SARNP: variants seen among roughly 807,000 people sequenced by gnomAD.
SARNP encodes the protein SAP domain containing ribonucleoprotein.
SARNP carries 5 observed loss-of-function variants against 38.1 expected under a neutral mutation model. The ratio of observed to expected loss-of-function variants is 0.13; its 90% confidence interval spans 0.07 to 0.28. SARNP has a LOEUF of 0.28. SARNP is among the 10% of genes least tolerant of loss of function. The probability of loss-of-function intolerance (pLI) is 1.00; values close to 1 mark genes in which losing one functional copy is unlikely to be tolerated. For missense variants in SARNP, 180 were observed against 243.9 expected, an observed-to-expected ratio of 0.74 and a Z score of 1.75; for synonymous variants, 84 against 80.6, an observed-to-expected ratio of 1.04 and a Z score of -0.23.
At chr12:55,815,019 G>A (rs1261495970) in intron 1 of SARNP, among the ~76,000 whole-genome samples, 5 of 152,030 alleles carry the variant, frequency 3.3e-5, no homozygotes, top group Admixed American at 3.3e-4. Flanking sequence ...CCATACCAAA[G>A]CCCAAAATTC....
intron 9 of SARNP, among the ~76,000 whole-genome samples, chr12:55,788,490 C>T (rs937031019): frequency 2.6e-5 from 4 of 152,054 alleles, no homozygotes; most frequent in Admixed American, 6.6e-5. Flanking sequence ...AACATCTTAA[C>T]CAACAGAAAT....
At chr12:55,786,829 AT>A (rs968440988) in intron 9 of SARNP, among the ~76,000 whole-genome samples, 1 of 152,088 alleles carries the variant, frequency 6.6e-6, no homozygotes, top group African/African-American at 2.4e-5. Flanking sequence ...TCAACTTCAA[AT>A]TTTTTCTTAC....
At chr12:55,794,740 G>C in intron 6 of SARNP, 67 bp downstream of exon 6, 1 of 945,146 alleles carries the variant, frequency 1.1e-6, no homozygotes, top group East Asian at 2.4e-5. Flanking sequence ...ATACCTAAAA[G>C]CTAGGATCAC....
chr12:55,789,122 C>T lies in SARNP; in HGVS notation c.454G>A (p.Glu152Lys). ...TTCAAACCAAATCTTTGAGCTCTTT[C>T]CTTCAGCTTATCCAAGTTAACCTAT... ...KPMVNLDKLKERAQRFGLNVS... is the reference protein window; with the variant it reads ...KPMVNLDKLKKRAQRFGLNVS... The change falls in exon 9 of 11, where the codon GAA (glutamate) becomes AAA (lysine). Residue 152 changes from glutamate (E) to lysine (K), a missense_variant. Glu to Lys is a moderately conservative substitution (Grantham distance 56). Around this residue, in one of 2 missense-constraint regions of SARNP, gnomAD observed 161 missense variants for 194.1 expected, o/e 0.83. Transcript: ENST00000336133. 6.2e-7 allele frequency: 1 copy of T among 1,601,828 alleles called. No homozygotes were observed. Among genetic ancestry groups the T allele is most frequent in the Non-Finnish European group, 8.5e-7 (1 of 1,175,990 alleles).
At position 55,757,542 on chromosome 12, in the gene SARNP, C is replaced by G. The variant is rs765112837; in HGVS notation, c.603G>C (p.Arg201Ser). 9.9e-6 allele frequency: 16 copies of G among 1,609,852 alleles called. No individual in the cohort carries two copies. Among genetic ancestry groups the G allele is most frequent in the Non-Finnish European group, 1.4e-5 (16 of 1,178,870 alleles). Residue 201 changes from arginine to serine, a missense_variant, in exon 11 of 11, where the codon AGG becomes AGC. Physicochemically the swap from Arg to Ser is moderately radical, Grantham distance 110 (BLOSUM62 -1). Transcript: ENST00000336133. ...GTTEDTEAKK[R>S]KRAERFGIA ...CAATCCCAAAGCGCTCTGCTCTTTT[C>G]CTCTTCTTTGCCTGTAAAGAAGAAG...
At chr12:55,782,940 A>G (rs1032688850) in intron 9 of SARNP, among the ~76,000 whole-genome samples, 8 of 151,940 alleles carry the variant, frequency 5.3e-5, no homozygotes, top group African/African-American at 1.7e-4. Context: ...GTGAAACCCC[A>G]TCTCTACAAA....
At chr12:55,771,290 C>T (rs551877144) in intron 9 of SARNP, among the ~76,000 whole-genome samples, 9 of 152,086 alleles carry the variant, frequency 5.9e-5, no homozygotes, top group East Asian at 1.9e-4. Flanking sequence ...AGTGCCACTC[C>T]GGATCATATA....
intron 1 of SARNP, among the ~76,000 whole-genome samples, chr12:55,817,309 G>A (rs747339341): frequency 1.3e-5 from 2 of 152,170 alleles, no homozygotes; most frequent in East Asian, 1.9e-4. Flanking sequence ...GAAGAAAAAC[G>A]GATCCTGGCT....
At position 55,790,855 on chromosome 12, in the gene SARNP, T is replaced by A. The variant is rs190998838; in HGVS notation, c.407-263A>T. On this transcript the variant is annotated intron_variant, in intron 7 of 10. Transcript: ENST00000336133. ...ACAATTCCACTGCTAGCTATACAGC[T>A]AAGAGAAAATGAAAACATATAATTA... Among the ~76,000 whole-genome samples the A allele has an allele frequency of 1.5e-3, 221 of 152,322 alleles. 1 individual carries two copies. Among genetic ancestry groups the A allele is most frequent in the African/African-American group, 5.2e-3 (215 of 41,578 alleles).
At chr12:55,790,811 T>C (rs1236719920) in intron 7 of SARNP, among the ~76,000 whole-genome samples, 1 of 152,124 alleles carries the variant, frequency 6.6e-6, no homozygotes, top group Admixed American at 6.6e-5. Flanking sequence ...AAAAGATAAA[T>C]ACAGTTACAT....
At chr12:55,776,859 G>C (rs922898020) in intron 9 of SARNP, among the ~76,000 whole-genome samples, 1 of 152,092 alleles carries the variant, frequency 6.6e-6, no homozygotes, top group African/African-American at 2.4e-5. Flanking sequence ...CCCATCTCAA[G>C]AACCAGGCTG....
chr12:55,782,852 C>T (rs778080378), intron 9 of SARNP, among the ~76,000 whole-genome samples: 4 of 152,136 alleles, frequency 2.6e-5, no homozygotes, highest in African/African-American at 9.7e-5. Flanking sequence ...GGCTCATGGC[C>T]GTAATCTCAG....
chr12:55,767,745 G>A (rs1372221311), intron 9 of SARNP, among the ~76,000 whole-genome samples: 1 of 151,178 alleles, frequency 6.6e-6, no homozygotes, highest in Admixed American at 6.6e-5. Context: ...TACTCGGGAG[G>A]CTGAGGCAGG....
intron 9 of SARNP, among the ~76,000 whole-genome samples, chr12:55,784,892 A>G (rs1429552346): frequency 6.6e-6 from 1 of 152,214 alleles, no homozygotes; most frequent in Non-Finnish European, 1.5e-5. Flanking sequence ...ATCTATACTC[A>G]CAGAGCACAT....
At chr12:55,796,975 A>C (rs1417397090) in intron 4 of SARNP, among the ~76,000 whole-genome samples, 2 of 152,164 alleles carry the variant, frequency 1.3e-5, no homozygotes, top group African/African-American at 4.8e-5. Flanking sequence ...GAGGAAACAA[A>C]AGAGGGGGGA....
Position 55,757,315 on chromosome 12 carries a change from CA to C in SARNP, c.*196del. 2.4e-6 allele frequency: 1 copy of C among 409,712 alleles called. No individual in the cohort carries two copies. The highest frequency in any genetic ancestry group is 4.4e-6 in the Non-Finnish European group (1 of 229,298). The allele number at this position is 409,712 out of a possible 1,614,324, so 25.4% of individuals were successfully genotyped here. ...TATTAACAAGCAACATAATCAAAAA[CA>C]AAAACACAACAACCTTAAAGCTGAA... On this transcript the variant is annotated 3_prime_UTR_variant, in exon 11 of 11. Transcript: ENST00000336133.
At chr12:55,778,897 A>G (rs1162659471) in intron 9 of SARNP, among the ~76,000 whole-genome samples, 1 of 152,128 alleles carries the variant, frequency 6.6e-6, no homozygotes, top group African/African-American at 2.4e-5. Context: ...CTTGAACCTG[A>G]GAGGCAGAGG....
chr12:55,784,907 A>T (rs1879446161), intron 9 of SARNP, among the ~76,000 whole-genome samples: 1 of 152,212 alleles, frequency 6.6e-6, no homozygotes, highest in Non-Finnish European at 1.5e-5. Context: ...GCACATCTCA[A>T]AAGGTCACAA....
At chr12:55,789,038 T>C (rs1879587377) in intron 9 of SARNP, 37 bp downstream of exon 9, 2 of 1,415,988 alleles carry the variant, frequency 1.4e-6, no homozygotes, top group African/African-American at 1.4e-5. Flanking sequence ...GCTGCTCTAA[T>C]GTCACAAAAA....
Sources: gnomAD v4.1 joint callset for allele counts (sites outside exome capture counted in the v4.1 genomes callset) on GRCh38, gnomAD v4.1.1 for gene constraint, gnomAD v4.1.1 regional missense constraint, MANE v1.5 for transcripts, NCBI Gene and HGNC (gene_info 2026-07-23, HGNC 2026-07-21) for gene names.